The following WWP2 variants were observed in gnomAD, a reference collection of about 807,000 sequenced individuals.
WWP2 encodes the protein WW domain containing E3 ubiquitin protein ligase 2.
In WWP2, 57 loss-of-function variants were observed where a neutral mutation model predicts 121.0. The observed-to-expected ratio is 0.47, with a 90% CI of 0.38 to 0.59. The LOEUF is 0.59. WWP2 is among the 20% of genes least tolerant of loss of function. The pLI, the probability that WWP2 is intolerant of heterozygous loss-of-function variation, is 0.00. For synonymous variants in WWP2, 449 were observed against 441.3 expected (o/e 1.02, Z -0.22); for missense variants, 962 against 1,158.9 (o/e 0.83, Z 2.47).
At chr16:69,862,592 C>CTT (rs1428572255) in intron 6 of WWP2, among the ~76,000 whole-genome samples, 1 of 151,842 alleles carries the variant, frequency 6.6e-6, no homozygotes, top group Non-Finnish European at 1.5e-5. Flanking sequence ...TTTTGCTGAA[C>CTT]TTGAATACCA....
chr16:69,908,304 G>C (rs747801009), intron 8 of WWP2, among the ~76,000 whole-genome samples: 1 of 152,108 alleles, frequency 6.6e-6, no homozygotes, highest in Non-Finnish European at 1.5e-5. Context: ...AGACGAAAAA[G>C]CCTGGAGGGC....
At chr16:69,848,147 TAAG>T (rs959923119) in intron 6 of WWP2, among the ~76,000 whole-genome samples, 2 of 152,198 alleles carry the variant, frequency 1.3e-5, no homozygotes, top group Non-Finnish European at 2.9e-5. Flanking sequence ...GGATCTTAGT[TAAG>T]AAGCTGTCAG....
In WWP2 at chr16:69,917,804, G is replaced by A. The variant is rs766017753; in HGVS notation, c.1100G>A (p.Arg367His). The A allele has an allele frequency of 3.3e-5, 54 of 1,614,082 alleles. No homozygotes were observed. Among genetic ancestry groups the A allele is most frequent in the Middle Eastern group, 3.3e-4 (2 of 6,062 alleles). Reference sequence around the variant, plus strand: ...CAGCGTCCGACCGCGGAGTACGTGCGCAACTATGAGCAGTGGCAGTCGCAG... The same window carrying A: ...CAGCGTCCGACCGCGGAGTACGTGCACAACTATGAGCAGTGGCAGTCGCAG... ...TWQRPTAEYV[R>H]NYEQWQSQRN... The change falls in exon 10 of 24, where the codon CGC becomes CAC. Residue 367 changes from arginine to histidine, a missense_variant. Physicochemically the swap from Arg to His is conservative, Grantham distance 29. Transcript: ENST00000359154.
chr16:69,764,606 C>T (rs776290018), intron 1 of WWP2, among the ~76,000 whole-genome samples: 2 of 152,092 alleles, frequency 1.3e-5, no homozygotes, highest in Non-Finnish European at 2.9e-5. Context: ...GTTTAGAAAA[C>T]GCTGTACTCT....
intron 6 of WWP2, among the ~76,000 whole-genome samples, chr16:69,860,577 GA>G (rs1471181679): frequency 3.3e-5 from 5 of 152,220 alleles, no homozygotes; most frequent in African/African-American, 1.2e-4. Context: ...CGGGCAAGTA[GA>G]TCAGCAAAGG....
chr16:69,779,218 TG>T (rs2055611082), intron 1 of WWP2, among the ~76,000 whole-genome samples: 1 of 152,252 alleles, frequency 6.6e-6, no homozygotes. Context: ...CCCGAAGTGC[TG>T]GGATTACAGG....
At chr16:69,884,647 C>G (rs2057891860) in intron 7 of WWP2, among the ~76,000 whole-genome samples, 1 of 152,066 alleles carries the variant, frequency 6.6e-6, no homozygotes, top group Non-Finnish European at 1.5e-5. Context: ...AAACAAAAAA[C>G]AATGGATTGA....
At position 69,877,105 on chromosome 16, in the gene WWP2, T is replaced by C. The variant is rs78101416; in HGVS notation, c.703+5174T>C. Among the ~76,000 whole-genome samples, 326 of 152,302 alleles carry C rather than the reference T, an allele frequency of 2.1e-3. 1 individual carries two copies. The highest frequency in any genetic ancestry group is 7.4e-3 in the African/African-American group (308 of 41,572). On this transcript the variant is annotated intron_variant, in intron 7 of 23. Coordinates refer to ENST00000359154, the MANE Select transcript of WWP2 (RefSeq NM_001270454.2). ...CTTTGAAGGCATGAACTTCTCTTTA[T>C]CTATGAATGTCCAAGATAGCATCTT...
chr16:69,796,633 T>C (rs1034122558), intron 2 of WWP2, among the ~76,000 whole-genome samples: 1 of 152,226 alleles, frequency 6.6e-6, no homozygotes, highest in Non-Finnish European at 1.5e-5. Context: ...TCCTAAGTAA[T>C]GCACCATTTG....
chr16:69,930,335 A>G, intron 13 of WWP2, 77 bp downstream of exon 13: 1 of 1,579,154 alleles, frequency 6.3e-7, no homozygotes, highest in Non-Finnish European at 8.6e-7. Context: ...TGGGAGGCCC[A>G]CTTTGGGTGG....
At chr16:69,938,224 G>C (rs937369591) in intron 21 of WWP2, among the ~76,000 whole-genome samples, 1 of 151,562 alleles carries the variant, frequency 6.6e-6, no homozygotes, top group Non-Finnish European at 1.5e-5. Context: ...ATGGTGCCCA[G>C]CCTGGTCCTG....
intron 6 of WWP2, among the ~76,000 whole-genome samples, chr16:69,848,195 A>G (rs756348437): frequency 6.6e-6 from 1 of 152,310 alleles, no homozygotes; most frequent in Non-Finnish European, 1.5e-5. Context: ...GGCTGGGTGT[A>G]ATCCCAGCGC....
intron 6 of WWP2, among the ~76,000 whole-genome samples, chr16:69,845,304 C>T (rs2057050787): frequency 6.6e-6 from 1 of 152,058 alleles, no homozygotes; most frequent in Admixed American, 6.6e-5. Context: ...ACCCCCCTTC[C>T]CTGCTAAGCC....
At chr16:69,883,276 G>T (rs564277691) in intron 7 of WWP2, among the ~76,000 whole-genome samples, 1 of 152,162 alleles carries the variant, frequency 6.6e-6, no homozygotes, top group African/African-American at 2.4e-5. Flanking sequence ...CCCTGTCCCT[G>T]GTTGACCAGG....
At chr16:69,924,800 A>G (rs1480708761) in intron 10 of WWP2, among the ~76,000 whole-genome samples, 2 of 150,872 alleles carry the variant, frequency 1.3e-5, no homozygotes, top group African/African-American at 4.9e-5. Flanking sequence ...GGGGAAGGAA[A>G]ACATTCCTGG....
At chr16:69,898,404 A>G (rs118029132) in intron 8 of WWP2, among the ~76,000 whole-genome samples, 3,031 of 152,262 alleles carry the variant, frequency 0.02, 49 homozygotes, top group Non-Finnish European at 0.032. Flanking sequence ...TTCAGTAGGT[A>G]TTATCAAATT....
intron 7 of WWP2, among the ~76,000 whole-genome samples, chr16:69,873,265 G>A (rs1163877033): frequency 1.3e-5 from 2 of 152,240 alleles, no homozygotes; most frequent in Non-Finnish European, 2.9e-5. Context: ...TTCTGTGGCA[G>A]CACCATATGG....
chr16:69,907,972 G>A (rs913602241), intron 8 of WWP2, among the ~76,000 whole-genome samples: 1 of 152,222 alleles, frequency 6.6e-6, no homozygotes, highest in Non-Finnish European at 1.5e-5. Flanking sequence ...CGGGTGCGGT[G>A]GCTCACTCCT....
intron 6 of WWP2, among the ~76,000 whole-genome samples, chr16:69,855,044 A>G (rs1387332820): frequency 6.6e-6 from 1 of 151,610 alleles, no homozygotes; most frequent in African/African-American, 2.4e-5. Flanking sequence ...TTTTGTAGAG[A>G]TAAGGTCTCC....
Sources: gnomAD v4.1 joint callset for allele counts (sites outside exome capture counted in the v4.1 genomes callset) on GRCh38, gnomAD v4.1.1 for gene constraint, MANE v1.5 for transcripts, NCBI Gene and HGNC (gene_info 2026-07-23, HGNC 2026-07-21) for gene names.